FSHR: variants seen among roughly 807,000 people sequenced by gnomAD.
FSHR encodes the protein follicle-stimulating hormone receptor.
A neutral mutation model predicts 52.1 loss-of-function variants in FSHR; 46 were observed. The ratio of observed to expected loss-of-function variants is 0.88; its 90% confidence interval spans 0.70 to 1.13. FSHR has a LOEUF of 1.13. Ranked by LOEUF, FSHR falls within the 50% of genes most tolerant of loss-of-function variation. The pLI is 0.00. For synonymous variants in FSHR, 399 were observed against 309.6 expected (o/e 1.29, Z -3.03); for missense variants, 964 against 834.6 (o/e 1.16, Z -1.91).
intron 1 of FSHR, among the ~76,000 whole-genome samples, chr2:49,120,945 T>G (rs527807350): frequency 1.1e-4 from 16 of 152,230 alleles, no homozygotes; most frequent in Non-Finnish European, 1.9e-4. Flanking sequence ...AGGAGAACAC[T>G]AGTGATTTGG....
At chr2:49,141,845 A>G (rs1179584581) in intron 1 of FSHR, among the ~76,000 whole-genome samples, 1 of 152,192 alleles carries the variant, frequency 6.6e-6, no homozygotes, top group Non-Finnish European at 1.5e-5. Flanking sequence ...TTGTTCATAC[A>G]AAGAATGGGC....
intron 1 of FSHR, among the ~76,000 whole-genome samples, chr2:49,096,686 T>C (rs1212937312): frequency 1.3e-5 from 2 of 152,184 alleles, no homozygotes; most frequent in Non-Finnish European, 2.9e-5. Context: ...CATGGTGATA[T>C]AGTTTATGTA....
At chr2:49,135,025 C>T (rs949277171) in intron 1 of FSHR, among the ~76,000 whole-genome samples, 1 of 152,150 alleles carries the variant, frequency 6.6e-6, no homozygotes, top group African/African-American at 2.4e-5. Context: ...TGTAACTAAC[C>T]TGCACAATGT....
At chr2:49,092,992 G>A (rs767945987) in intron 1 of FSHR, among the ~76,000 whole-genome samples, 17 of 152,190 alleles carry the variant, frequency 1.1e-4, no homozygotes, top group Non-Finnish European at 1.8e-4. Flanking sequence ...ACACAGTCTT[G>A]CATTCTTGGA....
At chr2:49,017,434 AATAGGCTTGCACTATTTAATC>A (rs1667526996) in intron 4 of FSHR, 34 bp downstream of exon 4, 1 of 1,376,768 alleles carries the variant, frequency 7.3e-7, no homozygotes, top group South Asian at 1.2e-5. Context: ...CTTTTAGTAA[AATAGGCTTGCACTATTTAATC>A]ATAGTGGGGG....
intron 4 of FSHR, among the ~76,000 whole-genome samples, chr2:48,991,168 A>G (rs1276244445): frequency 6.6e-6 from 1 of 152,160 alleles, no homozygotes; most frequent in East Asian, 1.9e-4. Flanking sequence ...CGAGATGGTT[A>G]TAAATTTCTA....
intron 1 of FSHR, among the ~76,000 whole-genome samples, chr2:49,088,152 G>A (rs1381284130): frequency 6.6e-6 from 1 of 152,138 alleles, no homozygotes; most frequent in East Asian, 1.9e-4. Flanking sequence ...AGCCTGTCTG[G>A]TCCCAAAGCC....
intron 2 of FSHR, among the ~76,000 whole-genome samples, chr2:49,056,444 G>A (rs904646092): frequency 5.7e-5 from 4 of 70,668 alleles, no homozygotes; most frequent in African/African-American, 2.2e-4. Flanking sequence ...ATTACAATTG[G>A]AATATATATA....
At chr2:48,981,870 G>C (rs887927444) in intron 8 of FSHR, among the ~76,000 whole-genome samples, 5 of 152,244 alleles carry the variant, frequency 3.3e-5, no homozygotes, top group African/African-American at 9.6e-5. Flanking sequence ...TGCCAAATAA[G>C]AGGTTCAGGC....
At chr2:49,024,767 A>T (rs1262884863) in intron 2 of FSHR, among the ~76,000 whole-genome samples, 16 of 152,190 alleles carry the variant, frequency 1.1e-4, no homozygotes, top group Admixed American at 1.0e-3. Context: ...GTAAATTAAG[A>T]GACTCAACTG....
At chr2:49,080,210 G>A (rs947726065) in intron 1 of FSHR, among the ~76,000 whole-genome samples, 6 of 152,140 alleles carry the variant, frequency 3.9e-5, no homozygotes, top group African/African-American at 1.4e-4. Context: ...ATCCATGCTG[G>A]TGAGGCAGTG....
intron 1 of FSHR, among the ~76,000 whole-genome samples, chr2:49,090,942 A>G (rs1346223326): frequency 1.3e-5 from 2 of 151,810 alleles, no homozygotes; most frequent in Non-Finnish European, 2.9e-5. Flanking sequence ...ATTCTTTCCC[A>G]TGATTAAAAA....
At position 48,963,508 on chromosome 2, in the gene FSHR, G is replaced by A. The variant is rs761218329; in HGVS notation, c.1313C>T (p.Thr438Ile). ...GCCAGCAGCATCACAGCCTGCCCCA[G>A]TTTGCCAGTCAATGGCATAGTTGTG... Reference protein sequence around the residue: ...QYHNYAIDWQTGAGCDAAGFF... With the variant: ...QYHNYAIDWQIGAGCDAAGFF... Residue 438 changes from threonine (T) to isoleucine (I), a missense_variant, in exon 10 of 10, where the codon ACT becomes ATT. Physicochemically the swap from Thr to Ile is moderately conservative, Grantham distance 89 (BLOSUM62 -1). Coordinates refer to ENST00000406846, the MANE Select transcript of FSHR (RefSeq NM_000145.4). 5.0e-6 allele frequency: 8 copies of A among 1,614,188 alleles called. No individual in the cohort carries two copies. The highest frequency in any genetic ancestry group is 2.2e-5 in the East Asian group (1 of 44,878).
chr2:49,006,262 GTA>G (rs144307939), intron 4 of FSHR, among the ~76,000 whole-genome samples: 3,326 of 152,158 alleles, frequency 0.022, 118 homozygotes, highest in African/African-American at 0.075. Context: ...TTTCCCTATT[GTA>G]TAGTCTGTAC....
chr2:49,071,355 T>C (rs1000557967), intron 1 of FSHR, among the ~76,000 whole-genome samples: 1 of 152,000 alleles, frequency 6.6e-6, no homozygotes, highest in Non-Finnish European at 1.5e-5. Flanking sequence ...TAAAAAATAA[T>C]TAGAAAACCT....
intron 1 of FSHR, among the ~76,000 whole-genome samples, chr2:49,083,487 C>A (rs1401440300): frequency 6.8e-6 from 1 of 146,198 alleles, no homozygotes; most frequent in East Asian, 2.0e-4. Flanking sequence ...CAAATTCACA[C>A]ATAACAATAT....
At chr2:49,105,344 C>A (rs1671185156) in intron 1 of FSHR, among the ~76,000 whole-genome samples, 1 of 152,036 alleles carries the variant, frequency 6.6e-6, no homozygotes, top group African/African-American at 2.4e-5. Context: ...TTAGTTTTCT[C>A]CACCACCTGC....
Position 49,070,523 on chromosome 2 carries a change from C to T in FSHR, c.153-2233G>A, listed in dbSNP as rs747444863. Among the ~76,000 whole-genome samples the T allele has an allele frequency of 9.2e-5, 14 of 151,972 alleles. 1 individual carries two copies. Among genetic ancestry groups the T allele is most frequent in the Admixed American group, 2.6e-4 (4 of 15,242 alleles). ...AAGATAATAAAATTGTTTTAAACTA[C>T]GCAACACTCTAAAAGTTTTAAGGAA... On this transcript the variant is annotated intron_variant, in intron 1 of 9. Transcript: ENST00000406846.
chr2:48,985,453 A>G (rs754435116), intron 6 of FSHR, among the ~76,000 whole-genome samples: 63 of 152,160 alleles, frequency 4.1e-4, no homozygotes, highest in Admixed American at 1.2e-3. Context: ...GAATTAGGAC[A>G]TTATTCTCCT....
Sources: gnomAD v4.1 joint callset for allele counts (sites outside exome capture counted in the v4.1 genomes callset) on GRCh38, gnomAD v4.1.1 for gene constraint, MANE v1.5 for transcripts, NCBI Gene and HGNC (gene_info 2026-07-23, HGNC 2026-07-21) for gene names.